The following PHACTR1 variants were observed in gnomAD, a reference collection of about 807,000 sequenced individuals.
PHACTR1 encodes the protein RPEL repeat containing 1.
PHACTR1 carries 16 observed loss-of-function variants against 69.2 expected under a neutral mutation model. That is an observed-to-expected ratio of 0.23 (90% CI 0.16 to 0.35). The LOEUF is 0.35. Ranked by LOEUF, PHACTR1 falls within the 10% of genes least tolerant of loss-of-function variation. PHACTR1 has a pLI of 1.00. For missense variants in PHACTR1, 510 were observed against 734.7 expected (o/e 0.69, Z 3.54); for synonymous variants, 312 against 284.5 (o/e 1.10, Z -0.97).
chr6:13,184,927 G>A, intron 7 of PHACTR1: 1 of 1,366,578 alleles, frequency 7.3e-7, no homozygotes, highest in South Asian at 1.1e-5. Context: ...AGAGACCCCA[G>A]TGAAGCAGCT....
chr6:12,893,878 T>C (rs560768721), intron 4 of PHACTR1, among the ~76,000 whole-genome samples: 11 of 152,166 alleles, frequency 7.2e-5, no homozygotes, highest in Non-Finnish European at 1.3e-4. Context: ...GAGAGAAGAT[T>C]CTGGAACCCC....
At chr6:12,799,996 G>A (rs1561894033) in intron 4 of PHACTR1, among the ~76,000 whole-genome samples, 1 of 152,122 alleles carries the variant, frequency 6.6e-6, no homozygotes, top group East Asian at 1.9e-4. Flanking sequence ...CTGTGTGATA[G>A]CTTTTCATTA....
intron 4 of PHACTR1, among the ~76,000 whole-genome samples, chr6:12,813,148 C>T (rs547098005): frequency 1.1e-4 from 16 of 152,272 alleles, no homozygotes; most frequent in African/African-American, 3.9e-4. Context: ...AAAAAACAGA[C>T]AGGAAGCCCC....
intron 7 of PHACTR1, among the ~76,000 whole-genome samples, chr6:13,196,257 G>A (rs62385558): frequency 0.25 from 33,044 of 132,262 alleles, 4,480 homozygotes; most frequent in Non-Finnish European, 0.32. Context: ...TCAAGGGAAA[G>A]GAGGCATTTT....
chr6:12,979,963 G>A (rs956914881), intron 4 of PHACTR1, among the ~76,000 whole-genome samples: 1 of 152,006 alleles, frequency 6.6e-6, no homozygotes, highest in African/African-American at 2.4e-5. Flanking sequence ...TTTTTTGTTT[G>A]CATAAGGATG....
intron 8 of PHACTR1, among the ~76,000 whole-genome samples, chr6:13,208,794 T>G (rs1437329342): frequency 6.6e-6 from 1 of 152,202 alleles, no homozygotes; most frequent in Non-Finnish European, 1.5e-5. Context: ...AGATGCTAAC[T>G]GACAAGTTTT....
At chr6:13,150,654 G>A (rs1225231651) in intron 5 of PHACTR1, among the ~76,000 whole-genome samples, 3 of 151,888 alleles carry the variant, frequency 2.0e-5, no homozygotes, top group South Asian at 2.1e-4. Context: ...TCATTAGATT[G>A]ACAACCTTAT....
At chr6:12,944,792 T>A (rs867152361) in intron 4 of PHACTR1, among the ~76,000 whole-genome samples, 4,406 of 147,028 alleles carry the variant, frequency 0.03, 89 homozygotes, top group African/African-American at 0.042. Flanking sequence ...TATTTATTTT[T>A]TTTTTTTTGA....
chr6:13,226,368 G>A (rs1299930568), intron 8 of PHACTR1, among the ~76,000 whole-genome samples: 1 of 152,194 alleles, frequency 6.6e-6, no homozygotes, highest in Non-Finnish European at 1.5e-5. Flanking sequence ...GCATTCATAT[G>A]TCATAAGTCA....
At chr6:13,082,949 T>C (rs920921271) in intron 5 of PHACTR1, among the ~76,000 whole-genome samples, 2 of 152,230 alleles carry the variant, frequency 1.3e-5, no homozygotes, top group African/African-American at 4.8e-5. Context: ...TTTAGTTTAA[T>C]TAGATCTCAT....
intron 10 of PHACTR1, chr6:13,272,643 CG>C: frequency 1.4e-6 from 2 of 1,413,002 alleles, no homozygotes; most frequent in Non-Finnish European, 1.9e-6. Context: ...GGGAGGAGGG[CG>C]GGGGTCAGCG....
chr6:13,099,313 C>T (rs919325228), intron 5 of PHACTR1, among the ~76,000 whole-genome samples: 2 of 152,234 alleles, frequency 1.3e-5, no homozygotes, highest in Non-Finnish European at 2.9e-5. Context: ...TTGTCACCTC[C>T]AGTAGAATGC....
chr6:12,988,195 A>G (rs1192675476), intron 4 of PHACTR1, among the ~76,000 whole-genome samples: 1 of 152,242 alleles, frequency 6.6e-6, no homozygotes, highest in Non-Finnish European at 1.5e-5. Context: ...GGTAAAAGAC[A>G]TAGAGGAATA....
At chr6:13,064,602 A>ATC (rs1561776400) in intron 5 of PHACTR1, among the ~76,000 whole-genome samples, 3 of 6,456 alleles carry the variant, frequency 4.6e-4, no homozygotes, top group Non-Finnish European at 5.3e-4. Context: ...ATATATATAT[A>ATC]TATCTATATA....
intron 4 of PHACTR1, among the ~76,000 whole-genome samples, chr6:12,991,699 A>T (rs1235217954): frequency 6.6e-6 from 1 of 152,092 alleles, no homozygotes; most frequent in African/African-American, 2.4e-5. Context: ...AGAGGCCAGC[A>T]CTCTTATGGT....
At position 12,782,924 on chromosome 6, in the gene PHACTR1, G is replaced by T. The variant is rs185408708; in HGVS notation, c.250+33134G>T. On this transcript the variant is annotated intron_variant, in intron 4 of 14. Transcript: ENST00000332995. ...TGGGAAATTTAGAGGGGCAAAAAAA[G>T]GATAAATATTTGTGTTCAACCTATA... Among the ~76,000 whole-genome samples the T allele has an allele frequency of 1.1e-3, 165 of 152,220 alleles. 1 individual carries two copies. The highest frequency in any genetic ancestry group is 1.8e-3 in the Non-Finnish European group (123 of 67,998).
At chr6:13,187,039 G>A (rs1454746869) in intron 7 of PHACTR1, among the ~76,000 whole-genome samples, 1 of 152,078 alleles carries the variant, frequency 6.6e-6, no homozygotes, top group Non-Finnish European at 1.5e-5. Flanking sequence ...TTCACAATAG[G>A]GTTCGCGCTC....
intron 4 of PHACTR1, among the ~76,000 whole-genome samples, chr6:12,766,190 G>C (rs1040611393): frequency 2.0e-5 from 3 of 152,160 alleles, no homozygotes; most frequent in African/African-American, 7.2e-5. Flanking sequence ...CACCTCAGAG[G>C]CTGTCCTTCA....
In PHACTR1 at chr6:12,847,014, G is replaced by A. The variant is rs552241410; in HGVS notation, c.250+97224G>A. ...TTTTTTTTTGTAGAGATGGAGTTTC[G>A]CCATGTAGCCCAGGCTGGTCTCAAA... On this transcript the variant is annotated intron_variant, in intron 4 of 14. Transcript: ENST00000332995. Among the ~76,000 whole-genome samples, 22 of 151,160 alleles carry A rather than the reference G, an allele frequency of 1.5e-4. 1 individual carries two copies. The South Asian group carries it at 3.1e-3, about 22-fold the overall frequency.
Sources: allele counts gnomAD v4.1 joint callset (sites outside exome capture counted in the v4.1 genomes callset), GRCh38; gene constraint gnomAD v4.1.1; transcripts MANE v1.5; gene names NCBI Gene and HGNC (gene_info 2026-07-23, HGNC 2026-07-21).